Variants in ORC1 observed in about 807,000 individuals in gnomAD.
The protein encoded by ORC1 is origin recognition complex subunit 1.
In ORC1, 61 loss-of-function variants were observed where a neutral mutation model predicts 98.9. The observed-to-expected ratio is 0.62, with a 90% CI of 0.50 to 0.76. The LOEUF is 0.76. Among genes scored for constraint, ORC1 ranks in the 30% least tolerant of loss-of-function variants. The pLI, the probability that ORC1 is intolerant of heterozygous loss-of-function variation, is 0.00. For missense variants in ORC1, 979 were observed against 1,072.2 expected (o/e 0.91, Z 1.21); for synonymous variants, 385 against 406.9 (o/e 0.95, Z 0.65).
intron 3 of ORC1, 126 bp from the exon 4 acceptor site, chr1:52,397,989 A>G: frequency 1.1e-6 from 1 of 901,294 alleles, no homozygotes; most frequent in South Asian, 1.4e-5. Context: ...GTTTTTTGAG[A>G]CAGAGTCTCT....
At chr1:52,383,974 G>C in intron 11 of ORC1, 37 bp from the exon 12 acceptor site, 1 of 1,527,564 alleles carries the variant, frequency 6.5e-7, no homozygotes, top group Non-Finnish European at 9.1e-7. Context: ...GGAACTGTAA[G>C]GGTCTTACTC....
At chr1:52,380,670 G>C (rs908104375) in intron 14 of ORC1, among the ~76,000 whole-genome samples, 2 of 151,730 alleles carry the variant, frequency 1.3e-5, no homozygotes, top group African/African-American at 4.8e-5. Context: ...ACTCCAGCCT[G>C]GGCGACCGAG....
At chr1:52,385,342 G>C (rs957914990) in intron 9 of ORC1, 80 bp from the exon 10 acceptor site, 1 of 943,600 alleles carries the variant, frequency 1.1e-6, no homozygotes. Context: ...AATGGAAAAT[G>C]ATTATGGTTT....
chr1:52,406,177 TGGG>T (rs1194427841), upstream of ORC1, among the ~76,000 whole-genome samples: 2 of 151,882 alleles, frequency 1.3e-5, no homozygotes, highest in Admixed American at 1.3e-4. Flanking sequence ...TTAGTAGAGA[TGGG>T]GTTTCACCAT....
upstream of ORC1, among the ~76,000 whole-genome samples, chr1:52,406,482 G>GT (rs1648002161): frequency 6.6e-6 from 1 of 152,188 alleles, no homozygotes; most frequent in Non-Finnish European, 1.5e-5. Context: ...TGGTTAAGAG[G>GT]TGTAAGATCT....
chr1:52,379,241 ATTTT>A (rs1202537038), intron 14 of ORC1, among the ~76,000 whole-genome samples: 4 of 125,606 alleles, frequency 3.2e-5, no homozygotes, highest in Non-Finnish European at 6.9e-5. Context: ...AAAGTAGGGT[ATTTT>A]TTTTTTTTTT....
At chr1:52,385,995 A>C in intron 8 of ORC1, 46 bp from the exon 9 acceptor site, 1 of 1,330,272 alleles carries the variant, frequency 7.5e-7, no homozygotes, top group Non-Finnish European at 1.1e-6. Flanking sequence ...AAAGCAAAAC[A>C]CCATCCAGGA....
In ORC1 at chr1:52,389,383, A is replaced by G. The variant is rs1647182473; in HGVS notation, c.1083-62T>C. On this transcript the variant is annotated intron_variant, in intron 6 of 16. Transcript: ENST00000371568. Reference sequence around the variant, plus strand: ...TTGGATACCAGAGTGTACAAAAGGCACTAGAAGATAGTCAAGTGGCCTGAT... The same window carrying G: ...TTGGATACCAGAGTGTACAAAAGGCGCTAGAAGATAGTCAAGTGGCCTGAT... The G allele has an allele frequency of 6.9e-6, 8 of 1,158,426 alleles. No homozygotes were observed. In the East Asian group the frequency reaches 1.9e-4, roughly 27 times the overall value. 71.8% of individuals were successfully genotyped at this position (1,158,426 alleles called of 1,614,324 possible).
At chr1:52,385,391 C>T (rs1002457226) in intron 9 of ORC1, 129 bp from the exon 10 acceptor site, 12 of 765,378 alleles carry the variant, frequency 1.6e-5, no homozygotes, top group Middle Eastern at 2.3e-4. Flanking sequence ...ATTTCAAATG[C>T]TAGAGAATCC....
rs566246798 is a variant in ORC1 at position 52,401,983 on chromosome 1, C to T, written c.95+146G>A. On this transcript the variant is annotated intron_variant, in intron 2 of 16. Coordinates refer to ENST00000371568, the MANE Select transcript of ORC1 (RefSeq NM_004153.4). ...CTATATTTATCCCACCATCTTCTTG[C>T]ATCAAACAAAACCCTCCTTACAATC... 153 of 733,318 alleles carry T rather than the reference C, an allele frequency of 2.1e-4. 2 individuals are homozygous for T. The South Asian group carries it at 2.2e-3, about 11-fold the overall frequency. The allele number at this position is 733,318 out of a possible 1,614,324, so 45.4% of individuals were successfully genotyped here. A position where few individuals can be genotyped will look rare whatever the true frequency, so the allele number is the denominator to read the frequency against.
At chr1:52,404,902 C>T (rs1463077343), upstream of ORC1, 1 of 1,611,636 alleles carries the variant, frequency 6.2e-7, no homozygotes, top group Admixed American at 1.7e-5. Flanking sequence ...GCGCGGAGCG[C>T]CTCTCAGCCC....
chr1:52,409,010 C>G (rs1249113909), upstream of ORC1: 1 of 214,932 alleles, frequency 4.7e-6, no homozygotes, highest in Admixed American at 5.2e-5. Context: ...CCATAAAAAC[C>G]TTCCCCAGCC....
chr1:52,384,961 A>C (rs771568225), intron 10 of ORC1, among the ~76,000 whole-genome samples, 200 bp downstream of exon 10: 2 of 152,188 alleles, frequency 1.3e-5, no homozygotes, highest in Non-Finnish European at 2.9e-5. Flanking sequence ...GGCCAGTTTC[A>C]TTCTTTCTGA....
In ORC1 at chr1:52,393,597, C is replaced by G; in HGVS notation, c.928G>C (p.Ala310Pro). ...AGGATTATGCGATGTTCAGGTGAAGCCTTCTTGTCATCCTCAGTATAAGAG... is the reference window on the plus strand; with the variant it reads ...AGGATTATGCGATGTTCAGGTGAAGGCTTCTTGTCATCCTCAGTATAAGAG... ...GLSYTEDDKK[A>P]SPEHRIILRT... The change falls in exon 6 of 17, where the codon GCT becomes CCT. Residue 310 changes from alanine (A) to proline (P), a missense_variant. Ala to Pro is a conservative substitution (Grantham distance 27). Coordinates refer to ENST00000371568, the MANE Select transcript of ORC1 (RefSeq NM_004153.4). The G allele has an allele frequency of 6.2e-7, 1 of 1,614,176 alleles. No homozygotes were observed. The highest frequency in any genetic ancestry group is 1.1e-5 in the South Asian group (1 of 91,084).
upstream of ORC1, among the ~76,000 whole-genome samples, chr1:52,408,111 G>A (rs1648050101): frequency 1.3e-5 from 2 of 150,136 alleles, no homozygotes; most frequent in Admixed American, 6.7e-5. Flanking sequence ...CATGGTGGCG[G>A]GCGCCTGTAA....
chr1:52,383,909 T>C lies in ORC1; in HGVS notation c.1784A>G (p.Asn595Ser), dbSNP rs1647107070. ...CTTTGCCAGCAGTTCTGCCGCATGG[T>C]TGGCTGTTGCTTTTTGGCCTGTTAG... ...QKLTGQKATA[N>S]HAAELLAKQF... is the part of the protein sequence containing the mutation. Residue 595 changes from asparagine (N) to serine (S), a missense_variant, in exon 12 of 17, where the codon AAC becomes AGC. Asn to Ser is a conservative substitution (Grantham distance 46). Transcript: ENST00000371568. 5 of 1,614,188 alleles carry C rather than the reference T, an allele frequency of 3.1e-6. No homozygotes were observed. Among genetic ancestry groups the C allele is most frequent in the African/African-American group, 1.3e-5 (1 of 75,046 alleles).
At chr1:52,398,086 CCTGAGTAG>C (rs1349660389) in intron 3 of ORC1, among the ~76,000 whole-genome samples, 3 of 151,730 alleles carry the variant, frequency 2.0e-5, no homozygotes, top group Admixed American at 2.0e-4. Context: ...GCCTCAGCCT[CCTGAGTAG>C]CTGAGATTAC....
At chr1:52,398,968 C>T (rs1309790995) in intron 3 of ORC1, among the ~76,000 whole-genome samples, 2 of 152,104 alleles carry the variant, frequency 1.3e-5, no homozygotes, top group African/African-American at 4.8e-5. Context: ...TGACGGGGGA[C>T]CTTAAAGAGT....
chr1:52,399,899 A>G (rs1409805910), intron 3 of ORC1, among the ~76,000 whole-genome samples: 1 of 152,108 alleles, frequency 6.6e-6, no homozygotes, highest in African/African-American at 2.4e-5. Flanking sequence ...CTTCAGCTTT[A>G]TTATTACAGC....
Sources: allele counts gnomAD v4.1 joint callset (sites outside exome capture counted in the v4.1 genomes callset), GRCh38; gene constraint gnomAD v4.1.1; transcripts MANE v1.5; gene names NCBI Gene and HGNC (gene_info 2026-07-23, HGNC 2026-07-21).